Variants in EPB41L3 observed in about 807,000 individuals in gnomAD.
EPB41L3 encodes band 4.1-like protein 3.
In EPB41L3, 57 loss-of-function variants were observed where a neutral mutation model predicts 127.1. The ratio of observed to expected loss-of-function variants is 0.45; its 90% confidence interval spans 0.36 to 0.56. The LOEUF (loss-of-function observed/expected upper bound fraction) is 0.56. Ranked by LOEUF, EPB41L3 falls within the 20% of genes least tolerant of loss-of-function variation. The pLI is 0.00. For missense variants in EPB41L3, 1,273 were observed against 1,372.2 expected (o/e 0.93, Z 1.14); for synonymous variants, 572 against 549.5 (o/e 1.04, Z -0.57).
At chr18:5,413,889 C>T (rs1427469800) in intron 13 of EPB41L3, among the ~76,000 whole-genome samples, 1 of 152,204 alleles carries the variant, frequency 6.6e-6, no homozygotes, top group Non-Finnish European at 1.5e-5. Flanking sequence ...TAGCTTGTAA[C>T]AATTAACTGC....
intron 3 of EPB41L3, among the ~76,000 whole-genome samples, chr18:5,471,730 A>T (rs1354328930): frequency 6.6e-6 from 1 of 152,188 alleles, no homozygotes; most frequent in African/African-American, 2.4e-5. Context: ...TCAGCAACAC[A>T]AAGTGGCCAT....
intron 9 of EPB41L3, 140 bp downstream of exon 9, chr18:5,428,173 C>A: frequency 1.1e-6 from 1 of 900,346 alleles, no homozygotes; most frequent in Non-Finnish European, 1.7e-6. Context: ...TTGGGCAAAC[C>A]TACAATAAAC....
chr18:5,476,571 C>G (rs1368304640), intron 3 of EPB41L3, among the ~76,000 whole-genome samples: 1 of 152,164 alleles, frequency 6.6e-6, no homozygotes, highest in Admixed American at 6.5e-5. Context: ...TTGGAAGACT[C>G]TGATAGCTAG....
chr18:5,619,757 A>G (rs1318574402), intron 1 of EPB41L3, among the ~76,000 whole-genome samples: 2 of 152,232 alleles, frequency 1.3e-5, no homozygotes, highest in Non-Finnish European at 2.9e-5. Context: ...AATGGGAGCC[A>G]TCTAGATAAA....
chr18:5,428,063 A>G (rs1598808653), intron 9 of EPB41L3, among the ~76,000 whole-genome samples: 2 of 152,060 alleles, frequency 1.3e-5, no homozygotes, highest in East Asian at 3.9e-4. Flanking sequence ...CCGAGACTGG[A>G]TTTTATATTA....
intron 1 of EPB41L3, among the ~76,000 whole-genome samples, chr18:5,492,058 A>C (rs2090658245): frequency 6.6e-6 from 1 of 152,162 alleles, no homozygotes; most frequent in Non-Finnish European, 1.5e-5. Flanking sequence ...AGTGGCTTAC[A>C]CCTGTAATCC....
At chr18:5,487,261 G>T (rs1022363098) in intron 2 of EPB41L3, among the ~76,000 whole-genome samples, 4 of 152,196 alleles carry the variant, frequency 2.6e-5, no homozygotes, top group Middle Eastern at 3.4e-3. Context: ...TCACTCATAT[G>T]TGGGGGCTAA....
chr18:5,478,649 A>C (rs914391210), intron 2 of EPB41L3, among the ~76,000 whole-genome samples: 2 of 152,240 alleles, frequency 1.3e-5, no homozygotes, highest in African/African-American at 4.8e-5. Context: ...ATTTCATTTT[A>C]ACTCCAGGAC....
intron 3 of EPB41L3, among the ~76,000 whole-genome samples, chr18:5,464,254 G>C (rs537540125): frequency 6.6e-6 from 1 of 152,270 alleles, no homozygotes; most frequent in African/African-American, 2.4e-5. Context: ...TACAGGGATA[G>C]TCAGCTAACA....
intron 6 of EPB41L3, 111 bp downstream of exon 6, chr18:5,437,924 A>G (rs1365679505): frequency 4.6e-6 from 4 of 871,998 alleles, no homozygotes; most frequent in Non-Finnish European, 7.0e-6. Context: ...TTGCCATTTG[A>G]GCGTGGATGA....
At chr18:5,405,097 T>C (rs945913848) in intron 16 of EPB41L3, among the ~76,000 whole-genome samples, 1 of 152,224 alleles carries the variant, frequency 6.6e-6, no homozygotes, top group Admixed American at 6.5e-5. Flanking sequence ...TATTTCTTAT[T>C]AGCTAGGTTT....
chr18:5,531,731 CAAAA>C (rs57625472), intron 1 of EPB41L3, among the ~76,000 whole-genome samples: 1 of 67,830 alleles, frequency 1.5e-5, no homozygotes. Context: ...GACCCTGTCT[CAAAA>C]AAAAAAAAAA....
chr18:5,511,314 T>C (rs1234558346), intron 1 of EPB41L3, among the ~76,000 whole-genome samples: 3 of 150,320 alleles, frequency 2.0e-5, no homozygotes, highest in Non-Finnish European at 4.4e-5. Flanking sequence ...CCTTGAAAAA[T>C]TGACTTGAAG....
intron 1 of EPB41L3, among the ~76,000 whole-genome samples, chr18:5,626,303 G>A (rs2094922949): frequency 6.6e-6 from 1 of 152,124 alleles, no homozygotes; most frequent in Non-Finnish European, 1.5e-5. Context: ...CTACTGAACT[G>A]CATGAAAACA....
At chr18:5,408,545 G>A (rs1245091162) in intron 14 of EPB41L3, among the ~76,000 whole-genome samples, 1 of 151,888 alleles carries the variant, frequency 6.6e-6, no homozygotes, top group Non-Finnish European at 1.5e-5. Context: ...AAAGTGCTGG[G>A]ATTACAGGAG....
intron 3 of EPB41L3, among the ~76,000 whole-genome samples, chr18:5,595,486 C>T (rs777585994): frequency 6.6e-6 from 1 of 152,090 alleles, no homozygotes; most frequent in Non-Finnish European, 1.5e-5. Flanking sequence ...TCCTGTACCT[C>T]CTCTCCACCT....
In EPB41L3 at chr18:5,420,927, TAAGA is replaced by T. The variant is rs201086609; in HGVS notation, c.1340-1054_1340-1051del. 3.8e-3 allele frequency among the ~76,000 whole-genome samples: 586 copies of T among 152,310 alleles called. 9 individuals carry two copies. The highest frequency in any genetic ancestry group is 0.032 in the Admixed American group (483 of 15,302). On this transcript the variant is annotated intron_variant, in intron 11 of 22. Coordinates refer to ENST00000341928, the MANE Select transcript of EPB41L3 (RefSeq NM_012307.5). The stretch of plus-strand genomic sequence containing the variant: ...AACTATGTCACTAAAATATCTTCAC[TAAGA>T]CATTTTATATCTCTTTACACCGTTG...
At chr18:5,482,131 C>T (rs2088681269) in intron 2 of EPB41L3, among the ~76,000 whole-genome samples, 1 of 151,990 alleles carries the variant, frequency 6.6e-6, no homozygotes. Context: ...AAAAGCAATT[C>T]AGAAATTTAT....
chr18:5,494,020 G>A (rs1223216158), intron 1 of EPB41L3, among the ~76,000 whole-genome samples: 1 of 151,734 alleles, frequency 6.6e-6, no homozygotes, highest in African/African-American at 2.4e-5. Flanking sequence ...TCTCTTTCTT[G>A]GAGAGCTCAT....
Sources: allele counts gnomAD v4.1 joint callset (sites outside exome capture counted in the v4.1 genomes callset), GRCh38; gene constraint gnomAD v4.1.1; transcripts MANE v1.5; gene names NCBI Gene and HGNC (gene_info 2026-07-23, HGNC 2026-07-21).